The following KANK4 variants were observed in gnomAD, a reference collection of about 807,000 sequenced individuals.
KANK4 encodes the protein KN motif and ankyrin repeat domains 4, also known as KN motif and ankyrin repeat domain-containing protein 4.
A neutral mutation model predicts 80.8 loss-of-function variants in KANK4; 50 were observed. The ratio of observed to expected loss-of-function variants is 0.62; its 90% CI spans 0.49 to 0.78. KANK4 has a LOEUF of 0.78. Ranked by LOEUF, KANK4 falls within the 30% of genes least tolerant of loss-of-function variation. KANK4 has a pLI of 0.00. For missense variants in KANK4, 1,196 were observed against 1,240.1 expected, an observed-to-expected ratio of 0.96 and a Z score of 0.53; for synonymous variants, 465 against 506.9, an observed-to-expected ratio of 0.92 and a Z score of 1.11.
Position 62,266,777 on chromosome 1 carries a change from C to T in KANK4, c.2274G>A (p.Leu758=). Residue 758 remains leucine, a synonymous_variant, in exon 6 of 10, where the codon CTG becomes CTA. Transcript: ENST00000371153. ...TCCCAGTTTCTGGCAGATGCTGGCT[C>T]AGTGCCCGGCATGCATTAAGAAATT... ...SEEFLNACRA[L]SQHLPETGTT... 1 of 1,613,258 alleles carries T rather than the reference C, an allele frequency of 6.2e-7. No individual in the cohort carries two copies. Among genetic ancestry groups the T allele is most frequent in the South Asian group, 1.1e-5 (1 of 91,046 alleles).
At chr1:62,244,453 G>C (rs1052627595) in intron 9 of KANK4, among the ~76,000 whole-genome samples, 5 of 152,076 alleles carry the variant, frequency 3.3e-5, no homozygotes, top group African/African-American at 1.2e-4. Context: ...TTGGGGGAGG[G>C]ACCTGTGGGA....
At chr1:62,279,042 TC>T (rs1672387747) in intron 2 of KANK4, among the ~76,000 whole-genome samples, 1 of 152,142 alleles carries the variant, frequency 6.6e-6, no homozygotes, top group Non-Finnish European at 1.5e-5. Context: ...TGGGCGCAGG[TC>T]CAGAGCACAA....
At chr1:62,270,337 CA>C (rs1334761606) in intron 4 of KANK4, among the ~76,000 whole-genome samples, 2 of 151,878 alleles carry the variant, frequency 1.3e-5, no homozygotes, top group African/African-American at 4.8e-5. Flanking sequence ...GAAGTGGGAA[CA>C]GCAACCCTCC....
intron 2 of KANK4, 83 bp downstream of exon 2, chr1:62,281,466 G>A (rs2149151996): frequency 6.5e-7 from 1 of 1,533,052 alleles, no homozygotes; most frequent in Non-Finnish European, 9.0e-7. Context: ...CCTTTCCTAG[G>A]CTATTTCCAG....
In KANK4 at chr1:62,249,846, C is replaced by T. The variant is rs193101818; in HGVS notation, c.2683-2174G>A. On this transcript the variant is annotated intron_variant, in intron 8 of 9. Transcript: ENST00000371153. ...GCATGAGCCACCGCACCCAGCACAT[C>T]TGGTCAATTTTTGTATTTTTTGTAG... Among the ~76,000 whole-genome samples, 77 of 151,350 alleles carry T rather than the reference C, an allele frequency of 5.1e-4. 2 individuals carry two copies. Among genetic ancestry groups the T allele is most frequent in the African/African-American group, 1.8e-3 (73 of 41,272 alleles).
intron 1 of KANK4, among the ~76,000 whole-genome samples, chr1:62,303,749 G>A (rs1015697739): frequency 1.4e-4 from 21 of 151,786 alleles, no homozygotes; most frequent in Non-Finnish European, 2.6e-4. Context: ...TGATCACATG[G>A]TGAAATGATA....
At chr1:62,317,685 A>G (rs1369090405) in intron 1 of KANK4, among the ~76,000 whole-genome samples, 4 of 152,228 alleles carry the variant, frequency 2.6e-5, no homozygotes, top group Non-Finnish European at 5.9e-5. Context: ...GTCATTCTGC[A>G]GACTGACCGA....
At chr1:62,278,324 C>CTTTCTTT (rs1557493276) in intron 2 of KANK4, among the ~76,000 whole-genome samples, 2 of 19,150 alleles carry the variant, frequency 1.0e-4, no homozygotes, top group African/African-American at 8.0e-4. Context: ...TTTCTTTCTT[C>CTTTCTTT]CTTCCTTCCT....
intron 1 of KANK4, among the ~76,000 whole-genome samples, chr1:62,306,131 T>A (rs1644449207): frequency 6.6e-6 from 1 of 152,128 alleles, no homozygotes; most frequent in Non-Finnish European, 1.5e-5. Context: ...ACTACAGGCA[T>A]GTGCCACCAT....
chr1:62,308,026 C>T (rs978504177), intron 1 of KANK4, among the ~76,000 whole-genome samples: 6 of 152,096 alleles, frequency 3.9e-5, no homozygotes, highest in Non-Finnish European at 7.4e-5. Context: ...TTGCTCACCC[C>T]GTATCCACCC....
At chr1:62,315,884 G>C (rs148481903) in intron 1 of KANK4, among the ~76,000 whole-genome samples, 2 of 152,182 alleles carry the variant, frequency 1.3e-5, no homozygotes, top group Non-Finnish European at 2.9e-5. Flanking sequence ...GCAGAGCCAC[G>C]AGTGCACAAG....
chr1:62,289,931 G>A (rs1019582690), intron 1 of KANK4, among the ~76,000 whole-genome samples: 3 of 152,040 alleles, frequency 2.0e-5, no homozygotes, highest in Non-Finnish European at 4.4e-5. Flanking sequence ...TCACATTACT[G>A]AACTTCCCTG....
At chr1:62,314,607 C>T (rs370133654) in intron 1 of KANK4, among the ~76,000 whole-genome samples, 2 of 151,824 alleles carry the variant, frequency 1.3e-5, no homozygotes, top group Admixed American at 6.6e-5. Flanking sequence ...TGTCATTTGA[C>T]GTCAGAGCCA....
At chr1:62,262,495 C>T (rs1671908894) in intron 7 of KANK4, among the ~76,000 whole-genome samples, 1 of 152,122 alleles carries the variant, frequency 6.6e-6, no homozygotes. Flanking sequence ...GCTATCACAG[C>T]ACAATTCACA....
In KANK4 at chr1:62,246,974, C is replaced by G. The variant is rs893135783; in HGVS notation, c.2883+498G>C. Reference sequence around the variant, plus strand: ...TGGGGTTTCATCATGTTGGCCAGGCCGGTCTCAAACTCCTGACCTCAGGTG... The same window carrying G: ...TGGGGTTTCATCATGTTGGCCAGGCGGGTCTCAAACTCCTGACCTCAGGTG... On this transcript the variant is annotated intron_variant, in intron 9 of 9. Coordinates refer to ENST00000371153, the MANE Select transcript of KANK4 (RefSeq NM_181712.5). Among the ~76,000 whole-genome samples the G allele has an allele frequency of 1.3e-5, 2 of 151,982 alleles. 1 individual carries two copies. Among genetic ancestry groups the G allele is most frequent in the Middle Eastern group, 6.8e-3 (2 of 292 alleles).
rs1671245909 is a variant in KANK4, at chr1:62,238,035, C to A, written c.*242G>T. ...GGATGTTTGGATGACACCGACGTAC[C>A]CCTCACCTTGCACCTTGAACCCTGC... On this transcript the variant is annotated 3_prime_UTR_variant, in exon 10 of 10. Transcript: ENST00000371153. 2.3e-6 allele frequency: 1 copy of A among 432,436 alleles called. No individual in the cohort carries two copies. The highest frequency in any genetic ancestry group is 4.3e-6 in the Non-Finnish European group (1 of 234,700). 26.8% of individuals were successfully genotyped at this position (432,436 alleles called of 1,614,324 possible).
At chr1:62,279,194 G>GCT (rs1472669654) in intron 2 of KANK4, among the ~76,000 whole-genome samples, 368 of 51,802 alleles carry the variant, frequency 7.1e-3, no homozygotes, top group African/African-American at 0.023. Flanking sequence ...CTAAGCTAGC[G>GCT]CGCGCACACA....
Position 62,319,403 on chromosome 1 carries a change from A to G in KANK4, c.-368T>C, listed in dbSNP as rs1013809619. 6.6e-6 allele frequency: 1 copy of G among 151,882 alleles called. No individual in the cohort carries two copies. The highest frequency in any genetic ancestry group is 1.5e-5 in the Non-Finnish European group (1 of 67,918). The allele number at this position is 151,882 out of a possible 1,614,324, so 9.4% of individuals were successfully genotyped here. A position where few individuals can be genotyped will look rare whatever the true frequency, so the allele number is the denominator to read the frequency against. ...GCTTCGCCCCGCGTCGCCAGCTGCC[A>G]ACAGCGCCCGAGTCCCCGCCTTCGC... On this transcript the variant is annotated 5_prime_UTR_variant, in exon 1 of 10. Coordinates refer to ENST00000371153, the MANE Select transcript of KANK4 (RefSeq NM_181712.5).
intron 7 of KANK4, among the ~76,000 whole-genome samples, chr1:62,259,153 C>G (rs989788643): frequency 6.6e-6 from 1 of 152,122 alleles, no homozygotes; most frequent in Non-Finnish European, 1.5e-5. Context: ...TAGGGAAAGC[C>G]GTTGGATCCT....
Sources: allele counts gnomAD v4.1 joint callset (sites outside exome capture counted in the v4.1 genomes callset), GRCh38; gene constraint gnomAD v4.1.1; transcripts MANE v1.5; gene names NCBI Gene and HGNC (gene_info 2026-07-23, HGNC 2026-07-21).